PDZD2: variants seen among roughly 807,000 people sequenced by gnomAD.
The protein encoded by PDZD2 is PDZ domain containing 2.
PDZD2 carries 90 observed loss-of-function variants against 220.7 expected under a neutral mutation model. That is an observed-to-expected ratio of 0.41 (90% CI 0.34 to 0.49). PDZD2 has a LOEUF of 0.49. Among genes scored for constraint, PDZD2 ranks in the 20% least tolerant of loss-of-function variants. The probability of loss-of-function intolerance (pLI) is 0.28; values close to 1 mark genes in which losing one functional copy is unlikely to be tolerated. For synonymous variants in PDZD2, 1,375 were observed against 1,450.5 expected (o/e 0.95, Z 1.18); for missense variants, 3,174 against 3,608.5 (o/e 0.88, Z 3.08).
intron 1 of PDZD2, among the ~76,000 whole-genome samples, chr5:31,669,413 A>T (rs1024342487): frequency 1.3e-5 from 2 of 151,666 alleles, no homozygotes; most frequent in African/African-American, 4.8e-5. Context: ...AAAAAAAAAA[A>T]AAAAAAAAAA....
chr5:31,643,221 G>A (rs1745013980), intron 1 of PDZD2, among the ~76,000 whole-genome samples: 1 of 152,166 alleles, frequency 6.6e-6, no homozygotes, highest in African/African-American at 2.4e-5. Context: ...CCAGTGGAAT[G>A]GAGAAGGCAG....
intron 24 of PDZD2, among the ~76,000 whole-genome samples, chr5:32,105,142 ACAATCAATCAAT>A (rs539018133): frequency 1.3e-5 from 2 of 151,944 alleles, no homozygotes; most frequent in African/African-American, 2.4e-5. Context: ...TCAAAAAAAA[ACAATCAATCAAT>A]CAATCAATCA....
chr5:32,097,165 C>T (rs1287864194), intron 21 of PDZD2, 114 bp from the exon 22 acceptor site: 1 of 715,998 alleles, frequency 1.4e-6, no homozygotes, highest in Non-Finnish European at 2.5e-6. Flanking sequence ...TGAAAAGCCC[C>T]TCCAAGAGGA....
chr5:31,678,889 C>G (rs73072144), intron 1 of PDZD2, among the ~76,000 whole-genome samples: 28,407 of 152,088 alleles, frequency 0.19, 2,775 homozygotes, highest in Middle Eastern at 0.23. Flanking sequence ...TTACAGACAA[C>G]AGCCACCATG....
rs577159000 is a variant in PDZD2 at position 31,947,927 on chromosome 5, G to A, written c.477-35228G>A. Among the ~76,000 whole-genome samples, 17 of 152,176 alleles carry A rather than the reference G, an allele frequency of 1.1e-4. No individual in the cohort carries two copies. The South Asian group carries it at 3.3e-3, about 30-fold the overall frequency. ...AGGCCAAGCGAACAATGTATGTGAA[G>A]GGCTTTGGGAAAGAAAGTGCCAAGC... On this transcript the variant is annotated intron_variant, in intron 2 of 24. Transcript: ENST00000438447.
At chr5:32,002,732 A>C (rs1752279968) in intron 5 of PDZD2, among the ~76,000 whole-genome samples, 1 of 102,072 alleles carries the variant, frequency 9.8e-6, no homozygotes, top group Non-Finnish European at 2.0e-5. Context: ...ACCAACACAC[A>C]CACCCCACAC....
At chr5:31,878,518 G>T (rs1278101994) in intron 2 of PDZD2, among the ~76,000 whole-genome samples, 1 of 137,820 alleles carries the variant, frequency 7.3e-6, no homozygotes, top group African/African-American at 2.6e-5. Flanking sequence ...GCATGGACAC[G>T]TACAGGTCCT....
At chr5:32,033,044 T>C (rs1332447671) in intron 6 of PDZD2, among the ~76,000 whole-genome samples, 2 of 152,260 alleles carry the variant, frequency 1.3e-5, no homozygotes, top group South Asian at 2.1e-4. Context: ...CTACACTTGA[T>C]GTTAGCCAAG....
chr5:31,669,799 T>C (rs1002795106), intron 1 of PDZD2, among the ~76,000 whole-genome samples: 20 of 152,178 alleles, frequency 1.3e-4, no homozygotes, highest in African/African-American at 4.8e-4. Context: ...ACCATCTATC[T>C]GCTCTGCTAC....
intron 2 of PDZD2, among the ~76,000 whole-genome samples, chr5:31,919,070 A>C (rs1743936199): frequency 1.3e-5 from 2 of 152,232 alleles, no homozygotes; most frequent in African/African-American, 4.8e-5. Context: ...TAGTGATGTA[A>C]ATAAGCCAAA....
chr5:31,682,061 T>C (rs1746672228), intron 1 of PDZD2, among the ~76,000 whole-genome samples: 1 of 152,220 alleles, frequency 6.6e-6, no homozygotes, highest in African/African-American at 2.4e-5. Flanking sequence ...TAGATAGATA[T>C]AATTATATGA....
rs779058650 is a variant in PDZD2, at chr5:32,074,176, A to G, written c.3070A>G (p.Thr1024Ala). 7 of 1,614,046 alleles carry G rather than the reference A, an allele frequency of 4.3e-6. No individual in the cohort carries two copies. The East Asian group carries it at 1.6e-4, about 36-fold the overall frequency. ...VHNQEERPRK[T>A]LVSKAISAPL... ...CAACCAAGAGGAACGACCCCGGAAAACACTGGTGAGCAAGGCCATCTCGGC... is the reference window on the plus strand; with the variant it reads ...CAACCAAGAGGAACGACCCCGGAAAGCACTGGTGAGCAAGGCCATCTCGGC... The change falls in exon 18 of 25, where the codon ACA becomes GCA. Residue 1024 changes from threonine (T) to alanine (A), a missense_variant. Around this residue, in one of 4 missense-constraint regions of PDZD2, gnomAD observed 1,861 missense variants for 2,001.0 expected, o/e 0.93. Transcript: ENST00000438447.
intron 1 of PDZD2, among the ~76,000 whole-genome samples, chr5:31,788,403 C>T (rs1052058931): frequency 9.4e-5 from 14 of 148,634 alleles, no homozygotes; most frequent in East Asian, 2.0e-4. Context: ...CAGTGGCTCA[C>T]GCCTGTAATC....
At chr5:31,991,293 C>G (rs1751189263) in intron 3 of PDZD2, among the ~76,000 whole-genome samples, 1 of 152,056 alleles carries the variant, frequency 6.6e-6, no homozygotes, top group South Asian at 2.1e-4. Flanking sequence ...ATTGTGGTCA[C>G]CCAAGCTAAA....
At chr5:31,937,937 T>G (rs1207541318) in intron 2 of PDZD2, among the ~76,000 whole-genome samples, 1 of 152,246 alleles carries the variant, frequency 6.6e-6, no homozygotes, top group East Asian at 1.9e-4. Context: ...AGCCTGTTTT[T>G]GTATGGCCTG....
chr5:31,834,839 A>G (rs1042326615), intron 2 of PDZD2, among the ~76,000 whole-genome samples: 3 of 151,962 alleles, frequency 2.0e-5, no homozygotes, highest in African/African-American at 7.3e-5. Context: ...CATATGTAAC[A>G]AACCTGCATG....
chr5:31,653,629 A>C (rs1218024515), intron 1 of PDZD2, among the ~76,000 whole-genome samples: 2 of 152,184 alleles, frequency 1.3e-5, no homozygotes, highest in Non-Finnish European at 2.9e-5. Context: ...TTTCAAATGG[A>C]AAGATTTCAC....
At chr5:31,796,737 G>T (rs1754050097) in intron 1 of PDZD2, among the ~76,000 whole-genome samples, 2 of 152,078 alleles carry the variant, frequency 1.3e-5, no homozygotes, top group African/African-American at 4.8e-5. Context: ...CTTATTGCTG[G>T]TATACAACCA....
intron 1 of PDZD2, among the ~76,000 whole-genome samples, chr5:31,671,176 A>T (rs1399240596): frequency 6.6e-6 from 1 of 152,160 alleles, no homozygotes; most frequent in Non-Finnish European, 1.5e-5. Context: ...GATTCACAGA[A>T]GTCAGTCACA....
Sources: gnomAD v4.1 joint callset for allele counts (sites outside exome capture counted in the v4.1 genomes callset) on GRCh38, gnomAD v4.1.1 for gene constraint, gnomAD v4.1.1 regional missense constraint, MANE v1.5 for transcripts, NCBI Gene and HGNC (gene_info 2026-07-23, HGNC 2026-07-21) for gene names.